Variants in GDPD5 observed in about 807,000 individuals in gnomAD.
The protein encoded by GDPD5 is glycerophosphodiester phosphodiesterase 2.
Under a neutral mutation model 75.1 loss-of-function variants are expected in GDPD5, and 48 were observed. The ratio of observed to expected loss-of-function variants is 0.64; its 90% CI spans 0.51 to 0.81. The LOEUF (loss-of-function observed/expected upper bound fraction) is 0.81. Among genes scored for constraint, GDPD5 ranks in the 40% least tolerant of loss-of-function variants. The pLI, the probability that GDPD5 is intolerant of heterozygous loss-of-function variation, is 0.00. For synonymous variants in GDPD5, 336 were observed against 339.0 expected, an observed-to-expected ratio of 0.99 and a Z score of 0.10; for missense variants, 706 against 822.6, an observed-to-expected ratio of 0.86 and a Z score of 1.73.
chr11:75,520,011 C>G (rs1390257069), intron 1 of GDPD5, among the ~76,000 whole-genome samples: 1 of 152,196 alleles, frequency 6.6e-6, no homozygotes, highest in Admixed American at 6.5e-5. Context: ...ACCCAAGTCC[C>G]CAGATATCCC....
intron 3 of GDPD5, among the ~76,000 whole-genome samples, chr11:75,471,547 C>G (rs998909010): frequency 6.6e-6 from 1 of 152,176 alleles, no homozygotes; most frequent in African/African-American, 2.4e-5. Context: ...GGCATCAGCC[C>G]CTTGGGGAGA....
At chr11:75,455,896 G>C (rs77080785) in intron 6 of GDPD5, among the ~76,000 whole-genome samples, 7 of 152,328 alleles carry the variant, frequency 4.6e-5, no homozygotes, top group Admixed American at 2.0e-4. Flanking sequence ...CAGCCCTGAG[G>C]GGGGGCACTG....
chr11:75,471,633 G>C (rs1439608922), intron 3 of GDPD5, among the ~76,000 whole-genome samples: 5 of 152,266 alleles, frequency 3.3e-5, no homozygotes, highest in African/African-American at 9.6e-5. Flanking sequence ...CACGTCACAG[G>C]GTGGGTGGTG....
chr11:75,464,429 C>G (rs1250400506), intron 3 of GDPD5, among the ~76,000 whole-genome samples: 3 of 152,190 alleles, frequency 2.0e-5, no homozygotes, highest in Admixed American at 6.5e-5. Context: ...GTAGGAAAGG[C>G]CTTCACACCC....
chr11:75,458,760 A>T (rs939937195), intron 4 of GDPD5, among the ~76,000 whole-genome samples: 5 of 152,178 alleles, frequency 3.3e-5, no homozygotes, highest in African/African-American at 4.8e-5. Flanking sequence ...GGTGAGATGC[A>T]TGGTAACTAC....
chr11:75,480,644 T>G (rs1565205457), intron 2 of GDPD5, among the ~76,000 whole-genome samples: 1 of 152,098 alleles, frequency 6.6e-6, no homozygotes, highest in Non-Finnish European at 1.5e-5. Flanking sequence ...CACAGAGAGG[T>G]TGACCCACTT....
At chr11:75,522,902 A>C (rs1284056647) in intron 1 of GDPD5, among the ~76,000 whole-genome samples, 3 of 152,108 alleles carry the variant, frequency 2.0e-5, no homozygotes, top group African/African-American at 7.2e-5. Flanking sequence ...GGGGGTAAGA[A>C]TCCAGAGCCC....
intron 2 of GDPD5, among the ~76,000 whole-genome samples, chr11:75,490,020 T>C (rs1003739034): frequency 1.3e-5 from 2 of 152,220 alleles, no homozygotes; most frequent in African/African-American, 4.8e-5. Flanking sequence ...ATCAGCCTCA[T>C]GGGCTCTCAG....
intron 1 of GDPD5, among the ~76,000 whole-genome samples, chr11:75,498,992 C>T (rs1490722552): frequency 6.6e-6 from 1 of 152,128 alleles, no homozygotes; most frequent in African/African-American, 2.4e-5. Flanking sequence ...CCTCTTGCTT[C>T]TCCTCCTTCT....
At chr11:75,475,999 C>T (rs1949769843) in intron 3 of GDPD5, among the ~76,000 whole-genome samples, 1 of 152,184 alleles carries the variant, frequency 6.6e-6, no homozygotes, top group South Asian at 2.1e-4. Flanking sequence ...GCCTTGGGCC[C>T]ACCAAGGAGA....
intron 6 of GDPD5, chr11:75,455,486 C>T: frequency 2.4e-6 from 1 of 409,382 alleles, no homozygotes; most frequent in South Asian, 1.8e-5. Context: ...GGCCTCGGTG[C>T]CTCCCTGGAT....
At chr11:75,466,401 C>A (rs1352932824) in intron 3 of GDPD5, among the ~76,000 whole-genome samples, 1 of 152,108 alleles carries the variant, frequency 6.6e-6, no homozygotes, top group Non-Finnish European at 1.5e-5. Flanking sequence ...GAGGAAGTGG[C>A]CTGGGGAGCA....
At chr11:75,501,685 G>C (rs749574424) in intron 1 of GDPD5, among the ~76,000 whole-genome samples, 2 of 152,146 alleles carry the variant, frequency 1.3e-5, no homozygotes, top group Non-Finnish European at 2.9e-5. Context: ...GAGTGGGGAG[G>C]GGTGCTGGGA....
At chr11:75,515,673 G>A (rs1366012658) in intron 1 of GDPD5, among the ~76,000 whole-genome samples, 1 of 152,234 alleles carries the variant, frequency 6.6e-6, no homozygotes, top group East Asian at 1.9e-4. Context: ...ATCATGGCCA[G>A]CTCTGGGATG....
At chr11:75,458,242 T>C (rs936055722) in intron 4 of GDPD5, among the ~76,000 whole-genome samples, 3 of 152,248 alleles carry the variant, frequency 2.0e-5, no homozygotes, top group African/African-American at 7.2e-5. Context: ...GCTTCACTGA[T>C]TCTAAGATGC....
intron 14 of GDPD5, 29 bp from the exon 15 acceptor site, chr11:75,439,990 C>G: frequency 6.5e-7 from 1 of 1,537,084 alleles, no homozygotes; most frequent in Non-Finnish European, 9.0e-7. Context: ...AGGCCAACTT[C>G]CAGTCATGGC....
chr11:75,455,680 C>T (rs1031933995), intron 6 of GDPD5, among the ~76,000 whole-genome samples: 2 of 152,180 alleles, frequency 1.3e-5, no homozygotes, highest in Admixed American at 6.5e-5. Context: ...GGCAGGCCCA[C>T]GGGGAGCCAG....
rs181221271 is a variant in GDPD5, at chr11:75,465,799, C to T, written c.118-2910G>A. Reference sequence around the variant, plus strand: ...GAGAAGGTTCTGAGAGGGACCTAGGCGAGGGGTGAGCCTCGGCCTAGGATG... The same window carrying T: ...GAGAAGGTTCTGAGAGGGACCTAGGTGAGGGGTGAGCCTCGGCCTAGGATG... On this transcript the variant is annotated intron_variant, in intron 3 of 16. Coordinates refer to ENST00000336898, the MANE Select transcript of GDPD5 (RefSeq NM_030792.8). Among the ~76,000 whole-genome samples the T allele has an allele frequency of 1.3e-3, 205 of 152,240 alleles. 2 individuals are homozygous for T. Among genetic ancestry groups the T allele is most frequent in the African/African-American group, 4.7e-3 (197 of 41,528 alleles).
chr11:75,454,910 G>A (rs1435560091), intron 6 of GDPD5, among the ~76,000 whole-genome samples: 1 of 152,178 alleles, frequency 6.6e-6, no homozygotes, highest in Non-Finnish European at 1.5e-5. Flanking sequence ...TAGAATTTTA[G>A]AATCAAATGG....
Sources: gnomAD v4.1 joint callset for allele counts (sites outside exome capture counted in the v4.1 genomes callset) on GRCh38, gnomAD v4.1.1 for gene constraint, MANE v1.5 for transcripts, NCBI Gene and HGNC (gene_info 2026-07-23, HGNC 2026-07-21) for gene names.